CALD1: variants seen among roughly 807,000 people sequenced by gnomAD.
The protein encoded by CALD1 is caldesmon.
CALD1 carries 33 observed loss-of-function variants against 99.9 expected under a neutral mutation model. That is an observed-to-expected ratio of 0.33 (90% CI 0.25 to 0.44). The LOEUF is 0.44. Among genes scored for constraint, CALD1 ranks in the 20% least tolerant of loss-of-function variants. The pLI, the probability that CALD1 is intolerant of heterozygous loss-of-function variation, is 1.00. For synonymous variants in CALD1, 310 were observed against 325.0 expected (o/e 0.95, Z 0.50); for missense variants, 861 against 962.1 (o/e 0.89, Z 1.39).
intron 1 of CALD1, among the ~76,000 whole-genome samples, chr7:134,820,148 A>G (rs1798717083): frequency 1.3e-5 from 2 of 152,198 alleles, no homozygotes; most frequent in South Asian, 4.1e-4. Flanking sequence ...GTAACCAGAA[A>G]CTTCTAAGAC....
chr7:134,777,395 T>A (rs982307835), upstream of CALD1, among the ~76,000 whole-genome samples: 1 of 152,212 alleles, frequency 6.6e-6, no homozygotes, highest in Non-Finnish European at 1.5e-5. Context: ...CTATTTTTTT[T>A]ATCAAAAGAC....
At chr7:134,845,525 C>G (rs926727827) in intron 2 of CALD1, among the ~76,000 whole-genome samples, 1 of 152,144 alleles carries the variant, frequency 6.6e-6, no homozygotes, top group East Asian at 1.9e-4. Context: ...ACAAGCATGC[C>G]CCAGTTAAGG....
intron 7 of CALD1, 113 bp from the exon 8 acceptor site, chr7:134,947,395 G>A (rs750866909): frequency 2.9e-4 from 312 of 1,088,516 alleles, no homozygotes; most frequent in Non-Finnish European, 3.8e-4. Flanking sequence ...GGGCTAATGA[G>A]AGGCAGTGGG....
chr7:134,722,197 CA>C, the CALD1 span, among the ~76,000 whole-genome samples: 1 of 152,124 alleles, frequency 6.6e-6, no homozygotes, highest in African/African-American at 2.4e-5. Flanking sequence ...TCAATAGCCA[CA>C]AAGATGACTT....
At chr7:134,824,467 C>A (rs1935347505) in intron 1 of CALD1, among the ~76,000 whole-genome samples, 1 of 151,944 alleles carries the variant, frequency 6.6e-6, no homozygotes, top group Non-Finnish European at 1.5e-5. Context: ...CCTTCTTCTC[C>A]TTCTCCTTCT....
At chr7:134,855,960 A>G (rs1800281529) in intron 2 of CALD1, among the ~76,000 whole-genome samples, 2 of 152,244 alleles carry the variant, frequency 1.3e-5, no homozygotes, top group South Asian at 4.1e-4. Flanking sequence ...TATTGTCAGA[A>G]GTAGAAAGCT....
chr7:134,727,740 T>C, the CALD1 span, among the ~76,000 whole-genome samples: 2 of 152,188 alleles, frequency 1.3e-5, no homozygotes, highest in East Asian at 1.9e-4. Context: ...GTCTGGGGGT[T>C]TGGCTATCAT....
chr7:134,753,904 T>C (rs1005873282), intron 1 of CALD1, among the ~76,000 whole-genome samples: 3 of 152,258 alleles, frequency 2.0e-5, no homozygotes, highest in African/African-American at 4.8e-5. Flanking sequence ...TTGCAAACTC[T>C]GGCTTTGCAA....
intron 1 of CALD1, among the ~76,000 whole-genome samples, chr7:134,841,706 T>C (rs1799658244): frequency 6.6e-6 from 1 of 152,196 alleles, no homozygotes; most frequent in South Asian, 2.1e-4. Context: ...TCCTCATGCT[T>C]TCCAGCAAAG....
At chr7:134,948,510 G>A (rs1807087877) in intron 8 of CALD1, among the ~76,000 whole-genome samples, 1 of 152,034 alleles carries the variant, frequency 6.6e-6, no homozygotes, top group African/African-American at 2.4e-5. Context: ...TTCATCCTGA[G>A]GTACATCGTT....
At chr7:134,800,613 A>T (rs2131840117) in intron 1 of CALD1, among the ~76,000 whole-genome samples, 1 of 152,130 alleles carries the variant, frequency 6.6e-6, no homozygotes, top group East Asian at 1.9e-4. Flanking sequence ...TAATTATCTT[A>T]AAGTGGGTCT....
At chr7:134,941,300 C>A in intron 7 of CALD1, 63 bp downstream of exon 7, 2 of 1,213,234 alleles carry the variant, frequency 1.6e-6, no homozygotes, top group Non-Finnish European at 2.3e-6. Context: ...AAAAAAAAGT[C>A]AGTCTTCCCA....
intron 3 of CALD1, among the ~76,000 whole-genome samples, chr7:134,905,308 C>T (rs940367189): frequency 7.2e-5 from 11 of 152,064 alleles, no homozygotes; most frequent in African/African-American, 2.7e-4. Flanking sequence ...ATGCCAAGCA[C>T]TGTTCTAAGT....
chr7:134,748,841 G>T, intron 1 of CALD1, among the ~76,000 whole-genome samples: 1 of 152,070 alleles, frequency 6.6e-6, no homozygotes, highest in Admixed American at 6.6e-5. Context: ...TCAAGGTGAC[G>T]GTATTATGAG....
At chr7:134,940,624 C>G (rs1806355600) in intron 6 of CALD1, among the ~76,000 whole-genome samples, 1 of 152,188 alleles carries the variant, frequency 6.6e-6, no homozygotes, top group South Asian at 2.1e-4. Context: ...GCAGATCTAG[C>G]TAAACTGATA....
the CALD1 span, among the ~76,000 whole-genome samples, chr7:134,730,561 T>C: frequency 6.6e-6 from 1 of 152,176 alleles, no homozygotes; most frequent in African/African-American, 2.4e-5. Flanking sequence ...TAACAGATCA[T>C]ATCTCAAAAA....
At chr7:134,758,503 TGTGTGTGTGTGTG>T (rs1796748643) in intron 1 of CALD1, among the ~76,000 whole-genome samples, 1 of 71,478 alleles carries the variant, frequency 1.4e-5, no homozygotes, top group African/African-American at 7.9e-5. Context: ...CCCATTGGGG[TGTGTGTGTGTGTG>T]TGTGTGTGTG....
At chr7:134,877,088 G>T (rs774521746) in intron 3 of CALD1, among the ~76,000 whole-genome samples, 1 of 152,178 alleles carries the variant, frequency 6.6e-6, no homozygotes, top group Admixed American at 6.5e-5. Flanking sequence ...AAAGCACTTA[G>T]TAGTCCCTAA....
At chr7:134,788,061 A>G in intron 1 of CALD1, among the ~76,000 whole-genome samples, 1 of 152,182 alleles carries the variant, frequency 6.6e-6, no homozygotes, top group East Asian at 1.9e-4. Flanking sequence ...ACTGGCTCCC[A>G]AAAGCTCATT....
Sources: gnomAD v4.1 joint callset for allele counts (sites outside exome capture counted in the v4.1 genomes callset) on GRCh38, gnomAD v4.1.1 for gene constraint, MANE v1.5 for transcripts, NCBI Gene and HGNC (gene_info 2026-07-23, HGNC 2026-07-21) for gene names.